KCND3: variants seen among roughly 807,000 people sequenced by gnomAD.
The protein encoded by KCND3 is A-type voltage-gated potassium channel KCND3.
KCND3 carries 9 observed loss-of-function variants against 51.1 expected under a neutral mutation model. The ratio of observed to expected loss-of-function variants is 0.18; its 90% confidence interval spans 0.11 to 0.31. The LOEUF (loss-of-function observed/expected upper bound fraction) is 0.31. Ranked by LOEUF, KCND3 falls within the 10% of genes least tolerant of loss-of-function variation. The pLI, the probability that KCND3 is intolerant of heterozygous loss-of-function variation, is 1.00. For missense variants in KCND3, 526 were observed against 903.8 expected (o/e 0.58, Z 5.36); for synonymous variants, 349 against 368.0 (o/e 0.95, Z 0.59).
chr1:111,966,583 C>T (rs553037287), intron 2 of KCND3, among the ~76,000 whole-genome samples: 14 of 152,264 alleles, frequency 9.2e-5, no homozygotes, highest in African/African-American at 2.4e-4. Context: ...CACCCACCGA[C>T]GGACTTCACT....
intron 6 of KCND3, among the ~76,000 whole-genome samples, 163 bp from the exon 7 acceptor site, chr1:111,777,436 G>A (rs954948322): frequency 6.6e-6 from 1 of 152,190 alleles, no homozygotes; most frequent in Non-Finnish European, 1.5e-5. Context: ...TGTCCCATGG[G>A]CATCCAATGA....
At chr1:111,978,413 A>G (rs1388184630) in intron 2 of KCND3, among the ~76,000 whole-genome samples, 1 of 152,246 alleles carries the variant, frequency 6.6e-6, no homozygotes, top group African/African-American at 2.4e-5. Flanking sequence ...AAGCAACTGA[A>G]TGATGGCAAG....
intron 2 of KCND3, among the ~76,000 whole-genome samples, chr1:111,897,007 A>G (rs530884009): frequency 6.6e-6 from 1 of 152,202 alleles, no homozygotes; most frequent in Non-Finnish European, 1.5e-5. Context: ...CAAACTGCAA[A>G]CTCCTTAAGG....
rs1663913179 is a variant in KCND3, at chr1:111,771,768, A to C, written c.*4309T>G. ...AACTGTCAACTTTAAGTTCTGTTCA[A>C]ATTCTGTGTGATTGTAAACTAATGT... On this transcript the variant is annotated 3_prime_UTR_variant, in exon 8 of 8. Coordinates refer to ENST00000302127, the MANE Select transcript of KCND3 (RefSeq NM_001378969.1). The C allele has an allele frequency of 6.6e-6, 1 of 152,190 alleles. No individual in the cohort carries two copies. Among genetic ancestry groups the C allele is most frequent in the African/African-American group, 2.4e-5 (1 of 41,450 alleles). The allele number at this position is 152,190 out of a possible 1,614,324, so 9.4% of individuals were successfully genotyped here. A position where few individuals can be genotyped will look rare whatever the true frequency, so the allele number is the denominator to read the frequency against.
chr1:111,774,674 T>C lies in KCND3; in HGVS notation c.*1403A>G, dbSNP rs1664037598. ...GCAGGTAAGAATCATCTAGAATCTC[T>C]TACTTGCTTTTGCTTTGAAGCATTT... On this transcript the variant is annotated 3_prime_UTR_variant, in exon 8 of 8. Coordinates refer to ENST00000302127, the MANE Select transcript of KCND3 (RefSeq NM_001378969.1). 1 of 152,196 alleles carries C rather than the reference T, an allele frequency of 6.6e-6. No homozygotes were observed. The highest frequency in any genetic ancestry group is 1.5e-5 in the Non-Finnish European group (1 of 68,050). The allele number at this position is 152,196 out of a possible 1,614,324, so 9.4% of individuals were successfully genotyped here.
At chr1:111,804,870 C>T (rs75428182) in intron 2 of KCND3, among the ~76,000 whole-genome samples, 4 of 152,306 alleles carry the variant, frequency 2.6e-5, no homozygotes, top group East Asian at 1.9e-4. Flanking sequence ...CTGCCTCAGG[C>T]GCCTAGGCCC....
At chr1:111,811,643 C>A in intron 2 of KCND3, among the ~76,000 whole-genome samples, 1 of 152,140 alleles carries the variant, frequency 6.6e-6, no homozygotes, top group South Asian at 2.1e-4. Flanking sequence ...GATCGTCCAC[C>A]CCTAGGCCAT....
intron 2 of KCND3, among the ~76,000 whole-genome samples, chr1:111,802,002 T>C (rs974178910): frequency 1.3e-5 from 2 of 152,220 alleles, no homozygotes; most frequent in Admixed American, 1.3e-4. Context: ...GCTCTCCCAC[T>C]ACCCAGCTGA....
At chr1:111,814,100 C>A (rs1665976016) in intron 2 of KCND3, among the ~76,000 whole-genome samples, 1 of 152,230 alleles carries the variant, frequency 6.6e-6, no homozygotes, top group Non-Finnish European at 1.5e-5. Flanking sequence ...CGGAAATGGT[C>A]TTGCCAGCAG....
chr1:111,845,037 G>T (rs191288616), intron 2 of KCND3, among the ~76,000 whole-genome samples: 1 of 152,030 alleles, frequency 6.6e-6, no homozygotes, highest in African/African-American at 2.4e-5. Context: ...TGCAGTCCAC[G>T]TGCATTCTCT....
chr1:111,969,278 C>T (rs1021389791), intron 2 of KCND3, among the ~76,000 whole-genome samples: 14 of 152,182 alleles, frequency 9.2e-5, no homozygotes, highest in South Asian at 4.1e-4. Context: ...CCCTCAGAAC[C>T]TGTGCCAACA....
At chr1:111,857,727 C>T (rs979541395) in intron 2 of KCND3, among the ~76,000 whole-genome samples, 4 of 151,916 alleles carry the variant, frequency 2.6e-5, no homozygotes, top group Admixed American at 6.6e-5. Context: ...CACTGGTCCA[C>T]AGGTGCTGCC....
chr1:111,840,332 T>C (rs766507171), intron 2 of KCND3, among the ~76,000 whole-genome samples: 7 of 152,094 alleles, frequency 4.6e-5, no homozygotes, highest in Non-Finnish European at 1.0e-4. Flanking sequence ...GCTCCTCTGG[T>C]ATGGAGCCCT....
At position 111,981,554 on chromosome 1, in the gene KCND3, A is replaced by C. The variant is rs76051340; in HGVS notation, c.1106+67T>G. The C allele has an allele frequency of 4.0e-4, 640 of 1,608,604 alleles. 2 individuals carry two copies. In the African/African-American group the frequency reaches 7.8e-3, roughly 20 times the overall value. On this transcript the variant is annotated intron_variant, in intron 2 of 7. Transcript: ENST00000302127. The surrounding 1 kb of genome is among the most constrained non-coding windows in gnomAD (Gnocchi z 6.2). The stretch of plus-strand genomic sequence containing the variant: ...CCTCTACCCATGGTGACACCATCCA[A>C]GGTTTCAGAGGTCATCCAGCTGCCC...
intron 2 of KCND3, among the ~76,000 whole-genome samples, chr1:111,869,550 C>T (rs1668740560): frequency 6.6e-6 from 1 of 152,160 alleles, no homozygotes; most frequent in Admixed American, 6.5e-5. Context: ...TTCAAAGCTC[C>T]AAGCCACCCA....
intron 2 of KCND3, among the ~76,000 whole-genome samples, chr1:111,942,380 G>C (rs1030509730): frequency 2.0e-5 from 3 of 152,184 alleles, no homozygotes; most frequent in Admixed American, 2.0e-4. Flanking sequence ...AATCAAATGG[G>C]GTGGCTGACT....
At chr1:111,858,477 T>G (rs1668191422) in intron 2 of KCND3, among the ~76,000 whole-genome samples, 1 of 152,206 alleles carries the variant, frequency 6.6e-6, no homozygotes, top group Non-Finnish European at 1.5e-5. Flanking sequence ...CATAAAAACT[T>G]TTTAAAAATT....
chr1:111,950,485 C>T (rs973329993), intron 2 of KCND3, among the ~76,000 whole-genome samples: 10 of 152,078 alleles, frequency 6.6e-5, no homozygotes, highest in Non-Finnish European at 8.8e-5. Flanking sequence ...CGATCCAGCC[C>T]GCAGCACTGT....
intron 2 of KCND3, among the ~76,000 whole-genome samples, chr1:111,965,438 C>CCACACACACACACACACCCA (rs1673916787): frequency 1.4e-5 from 1 of 72,368 alleles, no homozygotes; most frequent in African/African-American, 4.9e-5. Flanking sequence ...GCCAGCAAAA[C>CCACACACACACACACACCCA]CACACACACA....
Sources: gnomAD v4.1 joint callset for allele counts (sites outside exome capture counted in the v4.1 genomes callset) on GRCh38, gnomAD v4.1.1 for gene constraint, Gnocchi (gnomAD v3.1) non-coding constraint, MANE v1.5 for transcripts, NCBI Gene and HGNC (gene_info 2026-07-23, HGNC 2026-07-21) for gene names.